Variants in WRN observed in about 807,000 individuals in gnomAD.
WRN encodes the protein WRN RecQ like helicase.
A neutral mutation model predicts 180.7 loss-of-function variants in WRN; 149 were observed. The observed-to-expected ratio is 0.82, with a 90% confidence interval of 0.72 to 0.94. WRN has a LOEUF of 0.94. WRN is among the 40% of genes least tolerant of loss of function. The pLI is 0.00. For synonymous variants in WRN, 548 were observed against 568.9 expected (o/e 0.96, Z 0.52); for missense variants, 1,661 against 1,700.1 (o/e 0.98, Z 0.40).
At chr8:31,144,339 G>GTGT (rs1554533428) in intron 28 of WRN, among the ~76,000 whole-genome samples, 2 of 144,406 alleles carry the variant, frequency 1.4e-5, no homozygotes, top group African/African-American at 2.6e-5. Context: ...CTCTAAGTGT[G>GTGT]TTTTTTTTTT....
intron 16 of WRN, among the ~76,000 whole-genome samples, chr8:31,093,078 G>T (rs938580631): frequency 6.6e-6 from 1 of 152,088 alleles, no homozygotes; most frequent in Non-Finnish European, 1.5e-5. Flanking sequence ...AGGCTAGGCT[G>T]CAGGTATGTT....
chr8:31,150,168 A>G (rs1339041326), intron 30 of WRN, among the ~76,000 whole-genome samples, 173 bp from the exon 31 acceptor site: 1 of 152,226 alleles, frequency 6.6e-6, no homozygotes, highest in Non-Finnish European at 1.5e-5. Context: ...AAGCAAAGAA[A>G]GAAATTATAA....
intron 7 of WRN, among the ~76,000 whole-genome samples, chr8:31,073,210 T>G (rs1466292415): frequency 6.6e-6 from 1 of 152,006 alleles, no homozygotes; most frequent in Admixed American, 6.6e-5. Context: ...TGGCAGAGAG[T>G]TAGGAGGCTA....
At chr8:31,159,776 C>G (rs1467897758) in intron 33 of WRN, among the ~76,000 whole-genome samples, 1 of 151,944 alleles carries the variant, frequency 6.6e-6, no homozygotes, top group African/African-American at 2.4e-5. Context: ...GAAACCCTGT[C>G]TCTACTGAAA....
intron 7 of WRN, among the ~76,000 whole-genome samples, chr8:31,070,718 G>A (rs1263584522): frequency 6.6e-6 from 1 of 151,900 alleles, no homozygotes; most frequent in African/African-American, 2.4e-5. Context: ...CCTGGAGAAA[G>A]TGCAGGTAAA....
rs892484108 is a variant in WRN at position 31,090,650 on chromosome 8, A to G, written c.1720+118A>G. 5 of 1,182,126 alleles carry G rather than the reference A, an allele frequency of 4.2e-6. No individual in the cohort carries two copies. In the African/African-American group the frequency reaches 4.6e-5, roughly 11 times the overall value. 73.2% of individuals were successfully genotyped at this position (1,182,126 alleles called of 1,614,324 possible). A position where few individuals can be genotyped will look rare whatever the true frequency, so the allele number is the denominator to read the frequency against. On this transcript the variant is annotated intron_variant, in intron 14 of 34. Transcript: ENST00000298139. ...AATGCAACTACAAATGATGTAAACT[A>G]TAGAAGAGAGTGAACAAAGAACAGA...
At chr8:31,153,889 G>C (rs1036252955) in intron 31 of WRN, among the ~76,000 whole-genome samples, 3 of 151,934 alleles carry the variant, frequency 2.0e-5, no homozygotes, top group African/African-American at 7.2e-5. Flanking sequence ...CTATAAAAAT[G>C]ATACCAATAT....
chr8:31,115,677 T>A (rs1212127286), intron 19 of WRN, among the ~76,000 whole-genome samples: 1 of 152,200 alleles, frequency 6.6e-6, no homozygotes, highest in Non-Finnish European at 1.5e-5. Flanking sequence ...ATGAATGCAC[T>A]TATGTAAATG....
At chr8:31,141,831 G>C (rs1802651439) in intron 26 of WRN, 56 bp downstream of exon 26, 5 of 1,525,066 alleles carry the variant, frequency 3.3e-6, no homozygotes, top group Non-Finnish European at 4.5e-6. Context: ...CTATTTATGT[G>C]ATTCAAATTA....
intron 33 of WRN, among the ~76,000 whole-genome samples, chr8:31,163,834 G>T (rs1394397674): frequency 6.6e-6 from 1 of 150,694 alleles, no homozygotes; most frequent in Non-Finnish European, 1.5e-5. Flanking sequence ...AGGTTAAGAA[G>T]GTTGTGATAA....
chr8:31,137,490 G>A (rs1802443844), intron 24 of WRN, among the ~76,000 whole-genome samples: 1 of 151,952 alleles, frequency 6.6e-6, no homozygotes, highest in Non-Finnish European at 1.5e-5. Context: ...TTCCAGGGAA[G>A]GAAAGCCAAC....
intron 3 of WRN, among the ~76,000 whole-genome samples, chr8:31,061,909 G>T (rs1244716085): frequency 6.6e-6 from 1 of 152,118 alleles, no homozygotes; most frequent in East Asian, 1.9e-4. Flanking sequence ...ATTCTGCAAA[G>T]ACCAAAGGAG....
Position 31,167,196 on chromosome 8 carries a change from A to T in WRN, c.4157A>T (p.Lys1386Met). ...TCTGAAGAGATCTGTTCAAGTTCTA[A>T]GAGAAGCAAGGAAGAAGTAGGCATC... Reference protein sequence around the residue: ...PGSEEICSSSKRSKEEVGINT... With the variant: ...PGSEEICSSSMRSKEEVGINT... Residue 1386 changes from lysine to methionine, a missense_variant, in exon 34 of 35, where the codon AAG becomes ATG. Physicochemically the swap from Lys to Met is moderately conservative, Grantham distance 95 (BLOSUM62 -1). This residue lies in a region of WRN where 1,141 missense variants were observed against 1,149.4 expected (regional missense o/e 0.99). Coordinates refer to ENST00000298139, the MANE Select transcript of WRN (RefSeq NM_000553.6). 1 of 1,613,256 alleles carries T rather than the reference A, an allele frequency of 6.2e-7. No individual in the cohort carries two copies. Among genetic ancestry groups the T allele is most frequent in the Non-Finnish European group, 8.5e-7 (1 of 1,179,418 alleles).
At chr8:31,127,898 C>G (rs1212291516) in intron 23 of WRN, among the ~76,000 whole-genome samples, 2 of 152,102 alleles carry the variant, frequency 1.3e-5, no homozygotes, top group African/African-American at 4.8e-5. Flanking sequence ...CCACTACACT[C>G]CAGGCTGGGC....
intron 1 of WRN, among the ~76,000 whole-genome samples, chr8:31,058,026 A>C (rs1812340267): frequency 6.6e-6 from 1 of 152,208 alleles, no homozygotes; most frequent in Admixed American, 6.5e-5. Flanking sequence ...ATTTACTTAG[A>C]TCTTAAGACA....
intron 1 of WRN, among the ~76,000 whole-genome samples, chr8:31,036,703 A>T: frequency 6.6e-6 from 1 of 151,972 alleles, no homozygotes; most frequent in East Asian, 1.9e-4. Context: ...TGGTTTTTTA[A>T]TTTTTTTATT....
At chr8:31,046,607 G>T (rs1374926120) in intron 1 of WRN, among the ~76,000 whole-genome samples, 1 of 152,104 alleles carries the variant, frequency 6.6e-6, no homozygotes, top group African/African-American at 2.4e-5. Flanking sequence ...AGTGTTTTAG[G>T]CTAGCTCCTC....
chr8:31,063,327 C>T (rs11574194), intron 3 of WRN, among the ~76,000 whole-genome samples: 2,791 of 152,194 alleles, frequency 0.018, 69 homozygotes, highest in African/African-American at 0.064. Context: ...TTATATCTTA[C>T]TATGTTTCAT....
At position 31,049,565 on chromosome 8, in the gene WRN, G is replaced by A. The variant is rs536218972; in HGVS notation, c.-76-8807G>A. Among the ~76,000 whole-genome samples, 439 of 109,262 alleles carry A rather than the reference G, an allele frequency of 4.0e-3. 1 individual carries two copies. Among genetic ancestry groups the A allele is most frequent in the African/African-American group, 0.011 (408 of 37,048 alleles). The allele number at this position is 109,262 out of a possible 152,430, so 71.7% of individuals were successfully genotyped here. A position where few individuals can be genotyped will look rare whatever the true frequency, so the allele number is the denominator to read the frequency against. On this transcript the variant is annotated intron_variant, in intron 1 of 34. Transcript: ENST00000298139. The stretch of plus-strand genomic sequence containing the variant: ...GAAATTCAGTACTTTTTTTGAGTGA[G>A]GTCCAATGGGTCAGAAAGAAGCATT...
Sources: gnomAD v4.1 joint callset for allele counts (sites outside exome capture counted in the v4.1 genomes callset) on GRCh38, gnomAD v4.1.1 for gene constraint, gnomAD v4.1.1 regional missense constraint, MANE v1.5 for transcripts, NCBI Gene and HGNC (gene_info 2026-07-23, HGNC 2026-07-21) for gene names.